IL23R: variants seen among roughly 807,000 people sequenced by gnomAD.
IL23R encodes interleukin-23 receptor.
In IL23R, 34 loss-of-function variants were observed where a neutral mutation model predicts 56.9. The ratio of observed to expected loss-of-function variants is 0.60; its 90% CI spans 0.45 to 0.80. The LOEUF (loss-of-function observed/expected upper bound fraction) is 0.80. Among genes scored for constraint, IL23R ranks in the 30% least tolerant of loss-of-function variants. The probability of loss-of-function intolerance (pLI) is 0.00; values close to 1 mark genes in which losing one functional copy is unlikely to be tolerated. For synonymous variants in IL23R, 230 were observed against 249.2 expected (o/e 0.92, Z 0.73); for missense variants, 635 against 730.0 (o/e 0.87, Z 1.50).
chr1:67,158,182 C>T (rs1646786490), intron 1 of IL23R, among the ~76,000 whole-genome samples: 1 of 151,802 alleles, frequency 6.6e-6, no homozygotes. Context: ...TGCCACTGCA[C>T]TCCATCCTGG....
intron 7 of IL23R, among the ~76,000 whole-genome samples, chr1:67,234,520 T>C (rs1651329189): frequency 6.6e-6 from 1 of 152,146 alleles, no homozygotes; most frequent in Non-Finnish European, 1.5e-5. Context: ...TAACTACCTG[T>C]AGTTTATACA....
intron 7 of IL23R, among the ~76,000 whole-genome samples, chr1:67,234,880 G>A (rs1651366469): frequency 6.6e-6 from 1 of 151,732 alleles, no homozygotes; most frequent in Admixed American, 6.6e-5. Context: ...GCTAATTTTT[G>A]TATTTTTAGT....
chr1:67,233,681 A>G (rs1651258142), intron 7 of IL23R, among the ~76,000 whole-genome samples: 1 of 152,164 alleles, frequency 6.6e-6, no homozygotes, highest in South Asian at 2.1e-4. Flanking sequence ...GCCAGTGTGT[A>G]CAAGTTATAT....
At chr1:67,234,474 A>C (rs951392256) in intron 7 of IL23R, among the ~76,000 whole-genome samples, 1 of 152,218 alleles carries the variant, frequency 6.6e-6, no homozygotes, top group African/African-American at 2.4e-5. Flanking sequence ...TTTTTATATG[A>C]TGCAAATTAA....
Position 67,259,965 on chromosome 1 carries a change from G to GGA in IL23R, c.*837_*838insGA, listed in dbSNP as rs1553300356. On this transcript the variant is annotated 3_prime_UTR_variant, in exon 11 of 11. Coordinates refer to ENST00000347310, the MANE Select transcript of IL23R (RefSeq NM_144701.3). Reference sequence around the variant, plus strand: ...GGCAACAAGAGCAAAACTCTGTCTGGAAAAAAAAAAAAAAAAAAAAAAAAA... The same window carrying GGA: ...GGCAACAAGAGCAAAACTCTGTCTGGGAAAAAAAAAAAAAAAAAAAAAAAAAA... 1.3e-4 allele frequency: 10 copies of GGA among 76,070 alleles called. No homozygotes were observed. The South Asian group carries it at 2.7e-3, about 20-fold the overall frequency. The allele number at this position is 76,070 out of a possible 1,614,324, so 4.7% of individuals were successfully genotyped here.
intron 1 of IL23R, among the ~76,000 whole-genome samples, chr1:67,158,374 G>T (rs912034087): frequency 2.6e-5 from 4 of 152,216 alleles, no homozygotes; most frequent in Non-Finnish European, 4.4e-5. Context: ...AACTTGTAAT[G>T]AAGTAGAATT....
chr1:67,249,640 C>G (rs1018617916), intron 9 of IL23R, among the ~76,000 whole-genome samples: 2 of 152,058 alleles, frequency 1.3e-5, no homozygotes, highest in Admixed American at 6.6e-5. Flanking sequence ...TTTATTTTGA[C>G]AATCCCATGT....
At chr1:67,232,977 T>C (rs1651197871) in intron 7 of IL23R, among the ~76,000 whole-genome samples, 1 of 151,868 alleles carries the variant, frequency 6.6e-6, no homozygotes, top group South Asian at 2.1e-4. Flanking sequence ...GTTTCCCCGA[T>C]CACCATGATT....
intron 5 of IL23R, among the ~76,000 whole-genome samples, chr1:67,205,302 A>AT (rs1648924865): frequency 1.3e-5 from 2 of 152,344 alleles, no homozygotes; most frequent in African/African-American, 4.8e-5. Flanking sequence ...TTTGCACATA[A>AT]TTTTAGATAA....
intron 2 of IL23R, 22 bp from the exon 3 acceptor site, chr1:67,169,320 T>C: frequency 6.4e-7 from 1 of 1,557,788 alleles, no homozygotes; most frequent in South Asian, 1.1e-5. Flanking sequence ...GTGTAATTTA[T>C]TATTTTTCCA....
At chr1:67,246,332 G>A (rs1260694711) in intron 9 of IL23R, among the ~76,000 whole-genome samples, 4 of 152,074 alleles carry the variant, frequency 2.6e-5, no homozygotes, top group Non-Finnish European at 5.9e-5. Flanking sequence ...TCTGATCTTA[G>A]TTACTTCTTG....
chr1:67,209,271 T>C (rs1177489691), intron 6 of IL23R, among the ~76,000 whole-genome samples: 3 of 152,182 alleles, frequency 2.0e-5, no homozygotes, highest in Non-Finnish European at 4.4e-5. Context: ...GTTATGACTT[T>C]GGGGGACAAT....
intron 3 of IL23R, among the ~76,000 whole-genome samples, chr1:67,176,421 C>T (rs747796201): frequency 9.2e-5 from 14 of 151,904 alleles, no homozygotes; most frequent in South Asian, 4.2e-4. Context: ...AGTTTCTCAA[C>T]GGACTATAGA....
chr1:67,170,405 T>C (rs139225206), intron 3 of IL23R, among the ~76,000 whole-genome samples: 24 of 152,320 alleles, frequency 1.6e-4, no homozygotes, highest in Admixed American at 1.4e-3. Flanking sequence ...ATTGTAACTA[T>C]TAATTTTTTT....
intron 5 of IL23R, among the ~76,000 whole-genome samples, chr1:67,202,271 G>A (rs970296068): frequency 6.6e-5 from 10 of 152,242 alleles, no homozygotes; most frequent in South Asian, 2.1e-4. Context: ...GCACAATCTC[G>A]GCTCACTGCA....
chr1:67,198,179 T>C (rs987705081), intron 4 of IL23R, among the ~76,000 whole-genome samples: 2 of 152,046 alleles, frequency 1.3e-5, no homozygotes, highest in African/African-American at 4.8e-5. Flanking sequence ...GCCCCACAAG[T>C]CCTCACCTCC....
At chr1:67,176,479 T>C (rs1182435086) in intron 3 of IL23R, among the ~76,000 whole-genome samples, 1 of 152,138 alleles carries the variant, frequency 6.6e-6, no homozygotes, top group African/African-American at 2.4e-5. Context: ...AAATTTATTA[T>C]CTTTTCAGAC....
intron 3 of IL23R, among the ~76,000 whole-genome samples, chr1:67,174,283 G>T (rs1478960019): frequency 6.6e-6 from 1 of 151,602 alleles, no homozygotes; most frequent in East Asian, 1.9e-4. Flanking sequence ...AAGTGTGTTA[G>T]AGGATTTCCA....
intron 9 of IL23R, among the ~76,000 whole-genome samples, chr1:67,240,989 T>G (rs1651809270): frequency 6.6e-6 from 1 of 152,244 alleles, no homozygotes; most frequent in South Asian, 2.1e-4. Context: ...TGGCCAAGAC[T>G]CAGCTATTGT....
Sources: gnomAD v4.1 joint callset for allele counts (sites outside exome capture counted in the v4.1 genomes callset) on GRCh38, gnomAD v4.1.1 for gene constraint, MANE v1.5 for transcripts, NCBI Gene and HGNC (gene_info 2026-07-23, HGNC 2026-07-21) for gene names.